The following ZFAT variants were observed in gnomAD, a reference collection of about 807,000 sequenced individuals.
The protein encoded by ZFAT is zinc finger and AT-hook domain containing, also known as zinc finger protein ZFAT.
In ZFAT, 64 loss-of-function variants were observed where a neutral mutation model predicts 117.7. The ratio of observed to expected loss-of-function variants is 0.54; its 90% confidence interval spans 0.44 to 0.67. ZFAT has a LOEUF of 0.67. Among genes scored for constraint, ZFAT ranks in the 30% least tolerant of loss-of-function variants. ZFAT has a pLI of 0.00. For missense variants in ZFAT, 1,433 were observed against 1,584.5 expected, an observed-to-expected ratio of 0.90 and a Z score of 1.62; for synonymous variants, 679 against 615.0, an observed-to-expected ratio of 1.10 and a Z score of -1.54.
intron 11 of ZFAT, among the ~76,000 whole-genome samples, chr8:134,550,653 A>C (rs1171207523): frequency 1.3e-5 from 2 of 152,210 alleles, no homozygotes; most frequent in African/African-American, 4.8e-5. Context: ...GCACACTCTT[A>C]GACAGGATTT....
At chr8:134,782,977 A>C in the ZFAT span, among the ~76,000 whole-genome samples, 1,338 of 145,832 alleles carry the variant, frequency 9.2e-3, 8 homozygotes, top group Admixed American at 0.014. Flanking sequence ...AAATATGTAA[A>C]TATATATATA....
intron 1 of ZFAT, among the ~76,000 whole-genome samples, chr8:134,662,436 T>C (rs1231637548): frequency 2.6e-5 from 4 of 151,962 alleles, no homozygotes; most frequent in Admixed American, 2.0e-4. Flanking sequence ...GCAGCAAGAA[T>C]GGGGAGGGCA....
intron 1 of ZFAT, among the ~76,000 whole-genome samples, chr8:134,701,548 A>C (rs1446891390): frequency 6.6e-6 from 1 of 152,228 alleles, no homozygotes; most frequent in Non-Finnish European, 1.5e-5. Context: ...GCTAAATCAC[A>C]TGGTAATTCT....
chr8:134,825,225 A>G, the ZFAT span, among the ~76,000 whole-genome samples: 2 of 152,226 alleles, frequency 1.3e-5, no homozygotes, highest in African/African-American at 4.8e-5. Flanking sequence ...GAGAAGCGTG[A>G]ATTAAAAATC....
chr8:134,646,123 C>T (rs886496336), intron 2 of ZFAT, among the ~76,000 whole-genome samples: 12 of 152,026 alleles, frequency 7.9e-5, no homozygotes, highest in African/African-American at 2.9e-4. Flanking sequence ...GCAGGAGAAT[C>T]GCTTGAAACT....
chr8:134,565,069 T>C (rs916467419), intron 11 of ZFAT: 38 of 1,438,372 alleles, frequency 2.6e-5, no homozygotes, highest in Middle Eastern at 1.8e-4. Context: ...AGTGCTTTTA[T>C]GCAAAGATCG....
At chr8:134,505,333 C>T (rs4909827) in intron 15 of ZFAT, among the ~76,000 whole-genome samples, 33,310 of 152,078 alleles carry the variant, frequency 0.22, 4,235 homozygotes, top group East Asian at 0.4. Context: ...GACTATTTGC[C>T]TCTTGAGAGC....
At chr8:134,633,645 C>T (rs1830028498) in intron 3 of ZFAT, among the ~76,000 whole-genome samples, 1 of 152,210 alleles carries the variant, frequency 6.6e-6, no homozygotes, top group African/African-American at 2.4e-5. Flanking sequence ...TGGAGCCAGC[C>T]CACCTCGCTC....
intron 10 of ZFAT, among the ~76,000 whole-genome samples, chr8:134,577,835 C>T (rs1036305655): frequency 2.1e-4 from 32 of 152,162 alleles, no homozygotes; most frequent in African/African-American, 7.2e-4. Context: ...GTTCCAGTAA[C>T]AGAGACAAAA....
At chr8:134,743,585 T>A in the ZFAT span, among the ~76,000 whole-genome samples, 793 of 152,316 alleles carry the variant, frequency 5.2e-3, 3 homozygotes, top group African/African-American at 0.018. Flanking sequence ...ACATACCTAA[T>A]TGCAGCAAAG....
the ZFAT span, chr8:134,795,571 G>C: frequency 2.0e-5 from 3 of 152,216 alleles, no homozygotes; most frequent in Admixed American, 2.0e-4. Context: ...GGGGAAAGAG[G>C]GGGAGCTGTA....
At chr8:134,479,314 C>G (rs987992247) in intron 15 of ZFAT, among the ~76,000 whole-genome samples, 4 of 152,174 alleles carry the variant, frequency 2.6e-5, no homozygotes, top group Non-Finnish European at 4.4e-5. Flanking sequence ...GGAAGGCCTG[C>G]TGGTGGAAAC....
chr8:134,496,791 G>A (rs970256064), intron 15 of ZFAT, among the ~76,000 whole-genome samples: 1 of 152,122 alleles, frequency 6.6e-6, no homozygotes. Flanking sequence ...CGGGGTGAGG[G>A]AGGGTACTCC....
the ZFAT span, chr8:134,765,765 C>A: frequency 2.4e-4 from 36 of 151,986 alleles, no homozygotes; most frequent in African/African-American, 8.2e-4. Flanking sequence ...AATCAAGAAA[C>A]GGCACAGTTT....
In ZFAT at chr8:134,635,130, AC is replaced by A. The variant is rs1830128053; in HGVS notation, c.448+2330del. Among the ~76,000 whole-genome samples the A allele has an allele frequency of 2.0e-5, 3 of 152,138 alleles. No individual in the cohort carries two copies. In the South Asian group the frequency reaches 6.2e-4, roughly 32 times the overall value. On this transcript the variant is annotated intron_variant, in intron 3 of 15. Coordinates refer to ENST00000377838, the MANE Select transcript of ZFAT (RefSeq NM_020863.4). ...CAGCCTGGTTCCTAACAGGCCACAG[AC>A]CCGTACAAACCTGCGGCCCAGGGAT...
intron 2 of ZFAT, among the ~76,000 whole-genome samples, chr8:134,638,625 A>T (rs1228764153): frequency 1.3e-5 from 2 of 150,506 alleles, no homozygotes; most frequent in Non-Finnish European, 3.0e-5. Context: ...GCTACTCAGG[A>T]GGCTGAGGCA....
the ZFAT span, among the ~76,000 whole-genome samples, chr8:134,821,624 C>T: frequency 1.3e-5 from 2 of 151,558 alleles, no homozygotes; most frequent in Non-Finnish European, 2.9e-5. Context: ...TTTTCAAATA[C>T]TTAAGAGTTA....
chr8:134,506,243 C>T (rs1170620309), intron 15 of ZFAT, among the ~76,000 whole-genome samples: 2 of 152,138 alleles, frequency 1.3e-5, no homozygotes, highest in African/African-American at 4.8e-5. Flanking sequence ...AAGTAATCAC[C>T]TTATTTAATG....
intron 11 of ZFAT, among the ~76,000 whole-genome samples, chr8:134,544,272 C>T (rs1586678465): frequency 6.6e-6 from 1 of 152,338 alleles, no homozygotes; most frequent in Non-Finnish European, 1.5e-5. Flanking sequence ...CTCACCTATG[C>T]TCCCCCAGCA....
Sources: allele counts gnomAD v4.1 joint callset (sites outside exome capture counted in the v4.1 genomes callset), GRCh38; gene constraint gnomAD v4.1.1; transcripts MANE v1.5; gene names NCBI Gene and HGNC (gene_info 2026-07-23, HGNC 2026-07-21).